Variants in TENM2 observed in about 807,000 individuals in gnomAD.
TENM2 encodes teneurin transmembrane protein 2, also known as teneurin-2.
A neutral mutation model predicts 245.2 loss-of-function variants in TENM2; 52 were observed. The ratio of observed to expected loss-of-function variants is 0.21; its 90% CI spans 0.17 to 0.27. The LOEUF is 0.27. Ranked by LOEUF, TENM2 falls within the 10% of genes least tolerant of loss-of-function variation. The probability of loss-of-function intolerance (pLI) is 1.00; values close to 1 mark genes in which losing one functional copy is unlikely to be tolerated. For missense variants in TENM2, 3,046 were observed against 3,666.8 expected (o/e 0.83, Z 4.37); for synonymous variants, 1,363 against 1,438.9 (o/e 0.95, Z 1.19).
chr5:168,246,511 T>C (rs1466432835), intron 26 of TENM2, among the ~76,000 whole-genome samples: 1 of 152,214 alleles, frequency 6.6e-6, no homozygotes, highest in Non-Finnish European at 1.5e-5. Flanking sequence ...AATTAGACTC[T>C]GCCTTTTTAC....
At chr5:167,283,804 C>A (rs527285149), upstream of TENM2, among the ~76,000 whole-genome samples, 13 of 152,242 alleles carry the variant, frequency 8.5e-5, no homozygotes, top group South Asian at 2.7e-3. Context: ...AACTTGGAGG[C>A]GCCTAAGCAT....
intron 2 of TENM2, among the ~76,000 whole-genome samples, chr5:167,646,149 T>C (rs1473863926): frequency 1.7e-5 from 2 of 116,106 alleles, no homozygotes; most frequent in Non-Finnish European, 3.8e-5. Flanking sequence ...TATATATATG[T>C]TGTTTTCATA....
chr5:167,059,763 G>A, the TENM2 span, among the ~76,000 whole-genome samples: 3 of 148,092 alleles, frequency 2.0e-5, no homozygotes, highest in South Asian at 2.1e-4. Flanking sequence ...GAGTGCAATG[G>A]CGTGATCTCA....
chr5:168,206,931 A>C (rs1762395450), intron 19 of TENM2, among the ~76,000 whole-genome samples: 1 of 151,930 alleles, frequency 6.6e-6, no homozygotes, highest in Non-Finnish European at 1.5e-5. Flanking sequence ...GTACAGTCTC[A>C]CCTCCAAACC....
chr5:168,208,530 G>T (rs1276054254), intron 19 of TENM2, among the ~76,000 whole-genome samples: 1 of 152,224 alleles, frequency 6.6e-6, no homozygotes, highest in African/African-American at 2.4e-5. Context: ...GACAAGCTCT[G>T]CCTGAGAGTT....
chr5:167,932,940 T>G (rs1778398907), intron 3 of TENM2, among the ~76,000 whole-genome samples: 1 of 152,126 alleles, frequency 6.6e-6, no homozygotes, highest in African/African-American at 2.4e-5. Context: ...AACTCTAGAC[T>G]CCTGGAAAGG....
At chr5:167,732,780 C>T (rs1170467778) in intron 2 of TENM2, among the ~76,000 whole-genome samples, 4 of 152,088 alleles carry the variant, frequency 2.6e-5, no homozygotes, top group African/African-American at 9.7e-5. Context: ...CCAATCTTTC[C>T]GATTTACAAA....
intron 2 of TENM2, among the ~76,000 whole-genome samples, chr5:167,813,366 G>A (rs1417481251): frequency 1.3e-5 from 2 of 150,580 alleles, no homozygotes; most frequent in East Asian, 1.9e-4. Context: ...GGGTCCTTTT[G>A]CTGAAGAGCT....
At chr5:167,168,653 T>C in the TENM2 span, among the ~76,000 whole-genome samples, 1 of 152,250 alleles carries the variant, frequency 6.6e-6, no homozygotes, top group East Asian at 1.9e-4. Flanking sequence ...GAAGGAACTT[T>C]GCTTCTTTGT....
intron 2 of TENM2, among the ~76,000 whole-genome samples, chr5:167,862,458 CTT>C (rs1382966809): frequency 6.6e-6 from 1 of 152,232 alleles, no homozygotes; most frequent in African/African-American, 2.4e-5. Context: ...AAATCAGTCA[CTT>C]TGCACCCAAT....
At chr5:167,951,673 A>G (rs1013689426) in intron 3 of TENM2, among the ~76,000 whole-genome samples, 1 of 152,108 alleles carries the variant, frequency 6.6e-6, no homozygotes, top group Non-Finnish European at 1.5e-5. Context: ...AACATCTGCC[A>G]TGACCTTCTC....
intron 2 of TENM2, among the ~76,000 whole-genome samples, chr5:167,716,939 T>TTATTTTATTC (rs1561701239): frequency 2.0e-4 from 19 of 96,324 alleles, no homozygotes; most frequent in East Asian, 8.5e-4. Flanking sequence ...TTATTTTATT[T>TTATTTTATTC]TATTCTATTC....
chr5:168,243,903 G>GCACCATA (rs1470184053), intron 25 of TENM2, among the ~76,000 whole-genome samples: 1 of 148,274 alleles, frequency 6.7e-6, no homozygotes, highest in Admixed American at 6.7e-5. Context: ...ATTGCATATT[G>GCACCATA]CACCATACAA....
intron 10 of TENM2, among the ~76,000 whole-genome samples, chr5:168,118,808 C>T (rs1412859376): frequency 6.6e-6 from 1 of 151,968 alleles, no homozygotes; most frequent in East Asian, 1.9e-4. Context: ...TCTACTCCTC[C>T]TCCCCTTCCT....
the TENM2 span, among the ~76,000 whole-genome samples, chr5:167,095,946 T>C: frequency 6.6e-6 from 1 of 151,974 alleles, no homozygotes; most frequent in Non-Finnish European, 1.5e-5. Context: ...AATTTTTGTA[T>C]ATTTAAGTAG....
intron 2 of TENM2, among the ~76,000 whole-genome samples, chr5:167,591,711 C>A (rs1266269535): frequency 1.3e-5 from 2 of 152,152 alleles, no homozygotes; most frequent in Non-Finnish European, 2.9e-5. Flanking sequence ...GGAACAGTAT[C>A]CTGCAGGGGC....
At chr5:168,155,294 A>T (rs374602889) in intron 12 of TENM2, among the ~76,000 whole-genome samples, 2 of 152,264 alleles carry the variant, frequency 1.3e-5, no homozygotes, top group East Asian at 3.9e-4. Flanking sequence ...ATTATTAAAT[A>T]ATGTCCAGTG....
chr5:167,533,740 G>A (rs1261272525), intron 2 of TENM2, among the ~76,000 whole-genome samples: 1 of 152,086 alleles, frequency 6.6e-6, no homozygotes, highest in Non-Finnish European at 1.5e-5. Flanking sequence ...GATTACAGGA[G>A]TGAGCCATCA....
At chr5:167,548,412 T>A (rs1355055303) in intron 2 of TENM2, among the ~76,000 whole-genome samples, 1 of 152,182 alleles carries the variant, frequency 6.6e-6, no homozygotes, top group Admixed American at 6.5e-5. Flanking sequence ...CCTGTACATT[T>A]TTTTTCTAAT....
Sources: allele counts gnomAD v4.1 joint callset (sites outside exome capture counted in the v4.1 genomes callset), GRCh38; gene constraint gnomAD v4.1.1; transcripts MANE v1.5; gene names NCBI Gene and HGNC (gene_info 2026-07-23, HGNC 2026-07-21).